The following EPHB2 variants were observed in gnomAD, a reference collection of about 807,000 sequenced individuals.
EPHB2 encodes EPH receptor B2.
Under a neutral mutation model 96.4 loss-of-function variants are expected in EPHB2, and 18 were observed. The ratio of observed to expected loss-of-function variants is 0.19; its 90% CI spans 0.13 to 0.28. The LOEUF (loss-of-function observed/expected upper bound fraction) is 0.28, where lower values mean the gene tolerates loss of function less well. EPHB2 is among the 10% of genes least tolerant of loss of function. The probability of loss-of-function intolerance (pLI) is 1.00; values close to 1 mark genes in which losing one functional copy is unlikely to be tolerated. For missense variants in EPHB2, 989 were observed against 1,355.4 expected (o/e 0.73, Z 4.25); for synonymous variants, 506 against 534.1 (o/e 0.95, Z 0.72).
At chr1:22,810,646 G>A (rs1644990031) in intron 3 of EPHB2, among the ~76,000 whole-genome samples, 1 of 152,164 alleles carries the variant, frequency 6.6e-6, no homozygotes, top group South Asian at 2.1e-4. Flanking sequence ...GGGGTGCAGG[G>A]ACTTCCCATG....
chr1:22,850,286 G>A (rs1399965881), intron 3 of EPHB2, among the ~76,000 whole-genome samples: 1 of 152,222 alleles, frequency 6.6e-6, no homozygotes, highest in African/African-American at 2.4e-5. Flanking sequence ...AGGAATCTGA[G>A]GGCCAGGGTT....
chr1:22,889,817 C>T (rs970405488), intron 6 of EPHB2, among the ~76,000 whole-genome samples: 4 of 152,216 alleles, frequency 2.6e-5, no homozygotes, highest in Non-Finnish European at 5.9e-5. Flanking sequence ...AAATAGAAGA[C>T]ACATGATTAC....
chr1:22,821,645 A>ATTG (rs1645153786), intron 3 of EPHB2, among the ~76,000 whole-genome samples: 1 of 152,146 alleles, frequency 6.6e-6, no homozygotes, highest in Non-Finnish European at 1.5e-5. Flanking sequence ...TGGTTCTTGG[A>ATTG]TTGTTCCTCT....
chr1:22,911,696 G>C (rs1443041709), intron 14 of EPHB2, among the ~76,000 whole-genome samples: 2 of 152,136 alleles, frequency 1.3e-5, no homozygotes, highest in Non-Finnish European at 2.9e-5. Flanking sequence ...GGTTTCAGAG[G>C]GGCATCTGGC....
intron 1 of EPHB2, among the ~76,000 whole-genome samples, chr1:22,732,550 G>C (rs1438632002): frequency 2.0e-5 from 3 of 152,222 alleles, no homozygotes; most frequent in Non-Finnish European, 4.4e-5. Context: ...TGTGCACACA[G>C]ATATACACAC....
chr1:22,750,615 C>T (rs891467182), intron 1 of EPHB2, among the ~76,000 whole-genome samples: 2 of 152,232 alleles, frequency 1.3e-5, no homozygotes. Flanking sequence ...AGCCCCTAAT[C>T]TCCCTTTTCA....
chr1:22,783,340 C>G (rs1282308553), intron 2 of EPHB2, among the ~76,000 whole-genome samples: 1 of 152,216 alleles, frequency 6.6e-6, no homozygotes, highest in Non-Finnish European at 1.5e-5. Context: ...GCTGTTGGGG[C>G]TCCTTTGGGT....
intron 1 of EPHB2, among the ~76,000 whole-genome samples, chr1:22,723,571 T>A (rs549158502): frequency 3.9e-5 from 6 of 152,232 alleles, no homozygotes; most frequent in African/African-American, 1.4e-4. Flanking sequence ...GAAAGGGTGA[T>A]GAGGCTGGGC....
At chr1:22,717,896 C>T (rs1213442893) in intron 1 of EPHB2, among the ~76,000 whole-genome samples, 1 of 152,188 alleles carries the variant, frequency 6.6e-6, no homozygotes, top group Non-Finnish European at 1.5e-5. Flanking sequence ...TTTCACCTCT[C>T]TGAGCCTTGG....
At chr1:22,756,240 T>A (rs768773743) in intron 1 of EPHB2, among the ~76,000 whole-genome samples, 7 of 150,970 alleles carry the variant, frequency 4.6e-5, no homozygotes, top group Non-Finnish European at 1.0e-4. Context: ...GAGTAGGGAG[T>A]GACATGATAA....
intron 3 of EPHB2, among the ~76,000 whole-genome samples, chr1:22,814,473 G>T (rs1318816065): frequency 6.6e-6 from 1 of 152,084 alleles, no homozygotes. Flanking sequence ...GGAAAGTGGG[G>T]GGGTGCAAAT....
chr1:22,864,213 T>C (rs1341085607), intron 4 of EPHB2, among the ~76,000 whole-genome samples: 1 of 152,082 alleles, frequency 6.6e-6, no homozygotes, highest in Non-Finnish European at 1.5e-5. Context: ...GCCCGGCTAA[T>C]TTTTTGTATT....
intron 3 of EPHB2, among the ~76,000 whole-genome samples, chr1:22,805,436 C>T (rs937626124): frequency 6.6e-6 from 1 of 152,154 alleles, no homozygotes; most frequent in Non-Finnish European, 1.5e-5. Flanking sequence ...ACATTCCAGA[C>T]CTGCCACTCC....
chr1:22,795,808 G>A (rs181399849), intron 3 of EPHB2, among the ~76,000 whole-genome samples: 1 of 152,276 alleles, frequency 6.6e-6, no homozygotes, highest in Admixed American at 6.5e-5. Context: ...CCTAGACCTG[G>A]CTCTTTCTGG....
chr1:22,824,384 A>C (rs1396469062), intron 3 of EPHB2, among the ~76,000 whole-genome samples: 1 of 152,178 alleles, frequency 6.6e-6, no homozygotes, highest in Non-Finnish European at 1.5e-5. Flanking sequence ...AGAGACAGAG[A>C]GTTTCCTGTG....
chr1:22,726,670 C>T (rs1163927095), intron 1 of EPHB2, among the ~76,000 whole-genome samples: 3 of 152,162 alleles, frequency 2.0e-5, no homozygotes, highest in East Asian at 3.9e-4. Flanking sequence ...GATCTGCCCG[C>T]CTCAGCCTCC....
chr1:22,781,884 T>C (rs1013670935), intron 2 of EPHB2, among the ~76,000 whole-genome samples: 1 of 152,194 alleles, frequency 6.6e-6, no homozygotes, highest in East Asian at 1.9e-4. Context: ...ATCTCCATTT[T>C]ACAGATGAGA....
Position 22,910,425 on chromosome 1 carries a change from T to C in EPHB2, c.2546T>C (p.Met849Thr). Residue 849 changes from methionine (M) to threonine (T), a missense_variant, in exon 14 of 16, where the codon ATG becomes ACG. Met to Thr is a moderately conservative substitution (Grantham distance 81). Transcript: ENST00000374630. The part of the protein sequence containing the change: ...IEQDYRLPPP[M>T]DCPSALHQLM... Reference sequence around the variant, plus strand: ...CAGGACTATCGGCTGCCACCGCCCATGGACTGCCCGAGCGCCCTGCACCAA... The same window carrying C: ...CAGGACTATCGGCTGCCACCGCCCACGGACTGCCCGAGCGCCCTGCACCAA... The C allele has an allele frequency of 6.2e-7, 1 of 1,614,180 alleles. No homozygotes were observed. The highest frequency in any genetic ancestry group is 1.1e-5 in the South Asian group (1 of 91,088).
chr1:22,896,541 T>A, intron 9 of EPHB2, 63 bp downstream of exon 9: 2 of 1,597,504 alleles, frequency 1.3e-6, no homozygotes, highest in Non-Finnish European at 1.7e-6. Flanking sequence ...CCCAGTGACC[T>A]CTTAAGCCAT....
Sources: gnomAD v4.1 joint callset for allele counts (sites outside exome capture counted in the v4.1 genomes callset) on GRCh38, gnomAD v4.1.1 for gene constraint, MANE v1.5 for transcripts, NCBI Gene and HGNC (gene_info 2026-07-23, HGNC 2026-07-21) for gene names.